The following RAB6B variants were observed in gnomAD, a reference collection of about 807,000 sequenced individuals.
The protein encoded by RAB6B is ras-related protein Rab-6B.
Under a neutral mutation model 31.2 loss-of-function variants are expected in RAB6B, and 7 were observed. The observed-to-expected ratio is 0.22, with a 90% CI of 0.13 to 0.42. The LOEUF is 0.42. Ranked by LOEUF, RAB6B falls within the 10% of genes least tolerant of loss-of-function variation. The probability of loss-of-function intolerance (pLI) is 1.00; values close to 1 mark genes in which losing one functional copy is unlikely to be tolerated. For synonymous variants in RAB6B, 105 were observed against 104.9 expected (o/e 1.00, Z -0.01); for missense variants, 149 against 280.6 (o/e 0.53, Z 3.35).
At chr3:133,866,757 G>A (rs1936242345) in intron 1 of RAB6B, among the ~76,000 whole-genome samples, 1 of 152,246 alleles carries the variant, frequency 6.6e-6, no homozygotes. Flanking sequence ...GGGAAAGTGG[G>A]GCAACCCTGA....
chr3:133,851,582 CAT>C (rs1935984930), intron 2 of RAB6B, among the ~76,000 whole-genome samples: 1 of 152,110 alleles, frequency 6.6e-6, no homozygotes, highest in Admixed American at 6.5e-5. Flanking sequence ...AAGGAGGACA[CAT>C]GAGTGATATC....
chr3:133,862,164 G>A (rs746359811), intron 2 of RAB6B, among the ~76,000 whole-genome samples: 1 of 152,042 alleles, frequency 6.6e-6, no homozygotes, highest in Non-Finnish European at 1.5e-5. Flanking sequence ...GCGATGGGGA[G>A]GGCAGTCCTC....
intron 7 of RAB6B, among the ~76,000 whole-genome samples, chr3:133,832,998 C>T (rs543515315): frequency 6.6e-6 from 1 of 152,342 alleles, no homozygotes; most frequent in Non-Finnish European, 1.5e-5. Flanking sequence ...GAAACGATCA[C>T]CACTCACCCC....
chr3:133,895,561 C>A lies in RAB6B; in HGVS notation c.-95G>T. The A allele has an allele frequency of 7.6e-7, 1 of 1,313,324 alleles. No homozygotes were observed. Among genetic ancestry groups the A allele is most frequent in the South Asian group, 1.3e-5 (1 of 79,342 alleles). 81.4% of individuals were successfully genotyped at this position (1,313,324 alleles called of 1,614,324 possible). A position where few individuals can be genotyped will look rare whatever the true frequency, so the allele number is the denominator to read the frequency against. On this transcript the variant is annotated 5_prime_UTR_variant, in exon 1 of 8. Transcript: ENST00000285208. Reference sequence around the variant, plus strand: ...GGGCGAGGGGAGGCGGCCGGCGGTGCGGGAGCCGGAGGGGGAAGGGCTGGC... The same window carrying A: ...GGGCGAGGGGAGGCGGCCGGCGGTGAGGGAGCCGGAGGGGGAAGGGCTGGC...
At chr3:133,872,423 T>C (rs1258178560) in intron 1 of RAB6B, among the ~76,000 whole-genome samples, 1 of 152,274 alleles carries the variant, frequency 6.6e-6, no homozygotes, top group Admixed American at 6.5e-5. Context: ...CCTCTGCTCA[T>C]AGTCTACCAT....
chr3:133,826,758 A>G lies in RAB6B; in HGVS notation c.*2030T>C, dbSNP rs1055263134. Reference sequence around the variant, plus strand: ...ATTTTATTGATGGCAAGACAATCACAAGTTATTTGACAATATTAAGTATTT... The same window carrying G: ...ATTTTATTGATGGCAAGACAATCACGAGTTATTTGACAATATTAAGTATTT... On this transcript the variant is annotated 3_prime_UTR_variant, in exon 8 of 8. Transcript: ENST00000285208. 1.9e-4 allele frequency: 29 copies of G among 152,674 alleles called. No individual in the cohort carries two copies. Among genetic ancestry groups the G allele is most frequent in the African/African-American group, 6.8e-4 (28 of 41,476 alleles). The allele number at this position is 152,674 out of a possible 1,614,324, so 9.5% of individuals were successfully genotyped here.
chr3:133,837,456 T>C (rs763512544), intron 6 of RAB6B, among the ~76,000 whole-genome samples: 1 of 152,226 alleles, frequency 6.6e-6, no homozygotes, highest in Non-Finnish European at 1.5e-5. Flanking sequence ...CTGTGATTTC[T>C]ATTGGTGGTA....
At chr3:133,852,555 C>G (rs1472889407) in intron 2 of RAB6B, among the ~76,000 whole-genome samples, 1 of 151,068 alleles carries the variant, frequency 6.6e-6, no homozygotes, top group Non-Finnish European at 1.5e-5. Flanking sequence ...CCTGTAGCCT[C>G]GACCTCCTTG....
chr3:133,864,806 G>A (rs1419751870), intron 1 of RAB6B, among the ~76,000 whole-genome samples, 164 bp from the exon 2 acceptor site: 1 of 151,752 alleles, frequency 6.6e-6, no homozygotes, highest in Non-Finnish European at 1.5e-5. Context: ...GGACCCCGTG[G>A]TGAGGCCACC....
intron 2 of RAB6B, among the ~76,000 whole-genome samples, chr3:133,841,967 G>A (rs2107991863): frequency 6.6e-6 from 1 of 152,286 alleles, no homozygotes; most frequent in South Asian, 2.1e-4. Context: ...GGCCACTCAG[G>A]CCACTCAACG....
intron 7 of RAB6B, among the ~76,000 whole-genome samples, chr3:133,833,247 G>A (rs980922861): frequency 6.6e-6 from 1 of 152,182 alleles, no homozygotes; most frequent in Non-Finnish European, 1.5e-5. Flanking sequence ...CTCTGCTACT[G>A]AGAGCCGTGG....
intron 2 of RAB6B, among the ~76,000 whole-genome samples, chr3:133,850,962 T>C (rs1935976008): frequency 7.0e-6 from 1 of 143,296 alleles, no homozygotes; most frequent in Admixed American, 7.1e-5. Flanking sequence ...ACGGCTGCCA[T>C]ACTGGAAAAA....
At chr3:133,878,228 C>A (rs1936422111) in intron 1 of RAB6B, among the ~76,000 whole-genome samples, 1 of 151,972 alleles carries the variant, frequency 6.6e-6, no homozygotes, top group Non-Finnish European at 1.5e-5. Flanking sequence ...GAAATTACAG[C>A]AAGGCACATC....
At chr3:133,837,368 A>G (rs898205357) in intron 6 of RAB6B, among the ~76,000 whole-genome samples, 2 of 152,224 alleles carry the variant, frequency 1.3e-5, no homozygotes, top group East Asian at 1.9e-4. Context: ...AAGAGATCTA[A>G]TAAGTAGTGT....
intron 1 of RAB6B, among the ~76,000 whole-genome samples, chr3:133,872,111 A>G (rs1936334273): frequency 6.6e-6 from 1 of 152,238 alleles, no homozygotes; most frequent in Non-Finnish European, 1.5e-5. Flanking sequence ...CCCGGCCCAC[A>G]GCCCCCAGCA....
chr3:133,829,413 C>T (rs879842402), intron 7 of RAB6B, among the ~76,000 whole-genome samples: 10 of 152,184 alleles, frequency 6.6e-5, no homozygotes, highest in South Asian at 2.1e-4. Flanking sequence ...CTGGTGCCCC[C>T]GGGGGCTGTG....
chr3:133,887,272 G>A (rs927153074), intron 1 of RAB6B, among the ~76,000 whole-genome samples: 2 of 152,192 alleles, frequency 1.3e-5, no homozygotes, highest in African/African-American at 4.8e-5. Flanking sequence ...CCCCATCCTT[G>A]TTGCTTGGCA....
At chr3:133,866,495 T>C (rs1247490491) in intron 1 of RAB6B, among the ~76,000 whole-genome samples, 1 of 152,212 alleles carries the variant, frequency 6.6e-6, no homozygotes, top group Non-Finnish European at 1.5e-5. Context: ...GGGTACCAGC[T>C]GGTGTCAGAA....
intron 2 of RAB6B, among the ~76,000 whole-genome samples, chr3:133,861,014 C>G (rs1443417226): frequency 6.6e-6 from 1 of 152,208 alleles, no homozygotes; most frequent in Non-Finnish European, 1.5e-5. Context: ...GCTGCTACCA[C>G]CAAATCCTCC....
Sources: gnomAD v4.1 joint callset for allele counts (sites outside exome capture counted in the v4.1 genomes callset) on GRCh38, gnomAD v4.1.1 for gene constraint, MANE v1.5 for transcripts, NCBI Gene and HGNC (gene_info 2026-07-23, HGNC 2026-07-21) for gene names.